The following LRP5 variants were observed in gnomAD, a reference collection of about 807,000 sequenced individuals.
LRP5 encodes low-density lipoprotein receptor-related protein 5.
In LRP5, 62 loss-of-function variants were observed where a neutral mutation model predicts 154.1. The ratio of observed to expected loss-of-function variants is 0.40; its 90% confidence interval spans 0.33 to 0.50. The LOEUF is 0.50. Ranked by LOEUF, LRP5 falls within the 20% of genes least tolerant of loss-of-function variation. LRP5 has a pLI of 0.55. For missense variants in LRP5, 1,915 were observed against 2,336.7 expected, an observed-to-expected ratio of 0.82 and a Z score of 3.72; for synonymous variants, 966 against 1,011.5, an observed-to-expected ratio of 0.96 and a Z score of 0.85.
At chr11:68,365,973 C>CACTT (rs2098630857) in intron 5 of LRP5, among the ~76,000 whole-genome samples, 1 of 152,154 alleles carries the variant, frequency 6.6e-6, no homozygotes, top group Non-Finnish European at 1.5e-5. Context: ...GGTCCTCAGG[C>CACTT]ACTTGGTGCT....
chr11:68,377,506 T>C (rs2098638024), intron 5 of LRP5, among the ~76,000 whole-genome samples: 1 of 152,206 alleles, frequency 6.6e-6, no homozygotes, highest in South Asian at 2.1e-4. Flanking sequence ...GACCCTATGG[T>C]CACTTGGCAC....
chr11:68,428,430 T>C (rs758559771), intron 16 of LRP5, among the ~76,000 whole-genome samples: 2 of 152,148 alleles, frequency 1.3e-5, no homozygotes, highest in Non-Finnish European at 1.5e-5. Flanking sequence ...GACCAAACTG[T>C]TGGGAGGGCT....
intron 8 of LRP5, among the ~76,000 whole-genome samples, chr11:68,405,571 C>CA (rs1412940817): frequency 4.0e-5 from 6 of 150,900 alleles, no homozygotes; most frequent in African/African-American, 7.3e-5. Flanking sequence ...AGAGATAAGA[C>CA]AAAAGGGTGC....
upstream of LRP5, among the ~76,000 whole-genome samples, chr11:68,308,237 C>T (rs1310032438): frequency 6.6e-6 from 1 of 152,250 alleles, no homozygotes; most frequent in Non-Finnish European, 1.5e-5. Flanking sequence ...CTGACCACAG[C>T]AGTCAGTCCT....
At position 68,415,748 on chromosome 11, in the gene LRP5, AATGAATG is replaced by A. The variant is rs1377866407; in HGVS notation, c.2828-578_2828-572del. 7.1e-5 allele frequency among the ~76,000 whole-genome samples: 5 copies of A among 70,030 alleles called. 2 individuals carry two copies. The highest frequency in any genetic ancestry group is 1.8e-4 in the Non-Finnish European group (5 of 27,482). 45.9% of individuals were successfully genotyped at this position (70,030 alleles called of 152,430 possible). ...GCAACAAGAGCGAAACTCCATCTCG[AATGAATG>A]AATGAATGAATGAATGAATGGCAGG... On this transcript the variant is annotated intron_variant, in intron 12 of 22. Transcript: ENST00000294304.
At chr11:68,381,387 C>T (rs571217017) in intron 5 of LRP5, among the ~76,000 whole-genome samples, 9 of 152,240 alleles carry the variant, frequency 5.9e-5, no homozygotes, top group East Asian at 5.8e-4. Context: ...TGGGCAGGGA[C>T]GGACGGTGTC....
In LRP5 at chr11:68,386,734, G is replaced by T; in HGVS notation, c.1412+22G>T. On this transcript the variant is annotated intron_variant, in intron 6 of 22. Transcript: ENST00000294304. The surrounding 1 kb of genome is among the most constrained non-coding windows in gnomAD (Gnocchi z 7.9). The stretch of plus-strand genomic sequence containing the variant: ...TGGGGTAAGACGGGCGGGGGCTGGG[G>T]CCTGGAGCCAGGGCCAGGCCAAGCA... 5.0e-6 allele frequency: 8 copies of T among 1,606,898 alleles called. No individual in the cohort carries two copies. Among genetic ancestry groups the T allele is most frequent in the Non-Finnish European group, 5.9e-6 (7 of 1,176,750 alleles).
At chr11:68,403,959 G>A (rs548341507) in intron 8 of LRP5, 31 of 565,076 alleles carry the variant, frequency 5.5e-5, no homozygotes, top group Admixed American at 3.4e-4. Flanking sequence ...CTGTGTGCCC[G>A]GCCCTGGCCG....
At chr11:68,369,509 G>A (rs1294705180) in intron 5 of LRP5, among the ~76,000 whole-genome samples, 1 of 152,100 alleles carries the variant, frequency 6.6e-6, no homozygotes, top group Non-Finnish European at 1.5e-5. Flanking sequence ...AGCAGATCGT[G>A]CAGTCGTGCC....
chr11:68,322,267 C>T (rs146444234), intron 1 of LRP5, among the ~76,000 whole-genome samples: 1 of 152,218 alleles, frequency 6.6e-6, no homozygotes, highest in Non-Finnish European at 1.5e-5. Flanking sequence ...ACTCCCTGGG[C>T]TCTGAGGCTT....
intron 1 of LRP5, among the ~76,000 whole-genome samples, chr11:68,328,107 C>T (rs887084599): frequency 1.3e-5 from 2 of 152,206 alleles, no homozygotes; most frequent in African/African-American, 4.8e-5. Flanking sequence ...AAAGGCAAAC[C>T]GTGGCATTCC....
At chr11:68,428,418 G>T (rs1168123225) in intron 16 of LRP5, among the ~76,000 whole-genome samples, 4 of 152,306 alleles carry the variant, frequency 2.6e-5, no homozygotes, top group African/African-American at 7.2e-5. Context: ...CCAGAAGCCT[G>T]CGACCAAACT....
At chr11:68,416,696 G>A (rs1249320740) in intron 13 of LRP5, among the ~76,000 whole-genome samples, 169 bp downstream of exon 13, 2 of 152,198 alleles carry the variant, frequency 1.3e-5, no homozygotes, top group Admixed American at 6.5e-5. Flanking sequence ...CCTGAGATGC[G>A]TGGAACCCCG....
chr11:68,382,603 G>A (rs542287752), intron 5 of LRP5, among the ~76,000 whole-genome samples: 1 of 152,320 alleles, frequency 6.6e-6, no homozygotes, highest in South Asian at 2.1e-4. Flanking sequence ...CCCTAGCAGC[G>A]GGTCCAGGGC....
chr11:68,430,664 A>G (rs1179915501), intron 17 of LRP5, among the ~76,000 whole-genome samples: 3 of 152,112 alleles, frequency 2.0e-5, no homozygotes, highest in East Asian at 3.9e-4. Context: ...GCTGTCAGTT[A>G]TTGACAGGGG....
At chr11:68,308,773 G>A (rs1339005068), upstream of LRP5, among the ~76,000 whole-genome samples, 1 of 151,760 alleles carries the variant, frequency 6.6e-6, no homozygotes, top group Non-Finnish European at 1.5e-5. Context: ...TTTTGAGATG[G>A]AGTCTTGCTC....
chr11:68,427,330 A>G (rs1014638357), intron 16 of LRP5, among the ~76,000 whole-genome samples: 5 of 152,090 alleles, frequency 3.3e-5, no homozygotes, highest in Non-Finnish European at 7.4e-5. Context: ...TCTGAGGATT[A>G]CTTGAGACCA....
At chr11:68,341,056 G>GTTATTTTTTTTTTTT (rs1466472469) in intron 1 of LRP5, among the ~76,000 whole-genome samples, 1 of 51,460 alleles carries the variant, frequency 1.9e-5, no homozygotes, top group Non-Finnish European at 4.0e-5. Context: ...GCTGGAGATT[G>GTTATTTTTTTTTTTT]TTCTTTTTTT....
At chr11:68,313,173 G>A (rs1191193510) in intron 1 of LRP5, among the ~76,000 whole-genome samples, 2 of 150,906 alleles carry the variant, frequency 1.3e-5, no homozygotes, top group Non-Finnish European at 3.0e-5. Context: ...CTTGGGGCGC[G>A]GAGGCGGGCC....
Sources: allele counts gnomAD v4.1 joint callset (sites outside exome capture counted in the v4.1 genomes callset), GRCh38; gene constraint gnomAD v4.1.1; non-coding constraint Gnocchi (gnomAD v3.1); transcripts MANE v1.5; gene names NCBI Gene and HGNC (gene_info 2026-07-23, HGNC 2026-07-21).